EPN2: variants seen among roughly 807,000 people sequenced by gnomAD.
The protein encoded by EPN2 is epsin-2.
A neutral mutation model predicts 61.7 loss-of-function variants in EPN2; 34 were observed. The observed-to-expected ratio is 0.55, with a 90% CI of 0.42 to 0.73. The LOEUF (loss-of-function observed/expected upper bound fraction) is 0.73. Ranked by LOEUF, EPN2 falls within the 30% of genes least tolerant of loss-of-function variation. The probability of loss-of-function intolerance (pLI) is 0.00; values close to 1 mark genes in which losing one functional copy is unlikely to be tolerated. For synonymous variants in EPN2, 349 were observed against 353.6 expected, an observed-to-expected ratio of 0.99 and a Z score of 0.15; for missense variants, 714 against 839.2, an observed-to-expected ratio of 0.85 and a Z score of 1.84.
At chr17:19,290,459 A>G (rs2045451841) in intron 4 of EPN2, among the ~76,000 whole-genome samples, 1 of 152,172 alleles carries the variant, frequency 6.6e-6, no homozygotes, top group African/African-American at 2.4e-5. Flanking sequence ...ATGGAAAGAA[A>G]GATTGCTGCT....
chr17:19,329,067 C>A (rs145690680), intron 8 of EPN2, 180 bp downstream of exon 8: 1 of 564,794 alleles, frequency 1.8e-6, no homozygotes, highest in African/African-American at 1.9e-5. Flanking sequence ...TGAGTGAGTG[C>A]GAGTTCCCAG....
chr17:19,321,288 G>A (rs1204074363), intron 7 of EPN2, among the ~76,000 whole-genome samples: 1 of 152,158 alleles, frequency 6.6e-6, no homozygotes, highest in African/African-American at 2.4e-5. Flanking sequence ...CACCTCAGAA[G>A]CTCAACCCTT....
At chr17:19,294,705 C>T (rs1049446706) in intron 4 of EPN2, among the ~76,000 whole-genome samples, 1 of 152,160 alleles carries the variant, frequency 6.6e-6, no homozygotes, top group African/African-American at 2.4e-5. Flanking sequence ...ATCACTAGCT[C>T]TCAAGCTTTT....
At chr17:19,290,176 C>T (rs1000111881) in intron 4 of EPN2, among the ~76,000 whole-genome samples, 2 of 152,124 alleles carry the variant, frequency 1.3e-5, no homozygotes, top group African/African-American at 2.4e-5. Context: ...GCAGAAGCTG[C>T]GCAGCCCAAA....
At chr17:19,288,886 T>G (rs1485760077) in intron 4 of EPN2, among the ~76,000 whole-genome samples, 1 of 152,060 alleles carries the variant, frequency 6.6e-6, no homozygotes, top group Non-Finnish European at 1.5e-5. Context: ...TGTCAGAAAT[T>G]TCTTTGACTT....
chr17:19,310,939 G>C (rs531052424), intron 5 of EPN2, among the ~76,000 whole-genome samples: 3 of 152,262 alleles, frequency 2.0e-5, no homozygotes, highest in South Asian at 4.2e-4. Flanking sequence ...GGAGCAATTA[G>C]AGTGGCCTTA....
intron 10 of EPN2, among the ~76,000 whole-genome samples, chr17:19,332,819 C>G (rs1390612640): frequency 3.3e-5 from 5 of 152,236 alleles, no homozygotes; most frequent in African/African-American, 1.2e-4. Context: ...ACCCAGCCCC[C>G]TTCCTCACGG....
At chr17:19,279,840 C>CTTTTTT (rs749421925) in intron 1 of EPN2, 1 of 126,304 alleles carries the variant, frequency 7.9e-6, no homozygotes, top group Non-Finnish European at 1.7e-5. Flanking sequence ...CTTTTCTTTT[C>CTTTTTT]TTTTTTTTTT....
chr17:19,260,222 G>A (rs555709184), intron 1 of EPN2, among the ~76,000 whole-genome samples: 26 of 152,328 alleles, frequency 1.7e-4, no homozygotes, highest in African/African-American at 6.0e-4. Flanking sequence ...ACCTTATGAT[G>A]GGAGGGACAC....
intron 4 of EPN2, among the ~76,000 whole-genome samples, chr17:19,305,511 T>C (rs1034362590): frequency 2.0e-5 from 3 of 152,236 alleles, no homozygotes. Context: ...ATCAGCACTA[T>C]GTGACTGGCA....
intron 1 of EPN2, among the ~76,000 whole-genome samples, chr17:19,270,746 T>G (rs1728608757): frequency 6.6e-6 from 1 of 152,164 alleles, no homozygotes; most frequent in Non-Finnish European, 1.5e-5. Flanking sequence ...GAACTACATA[T>G]TTCAGCCCTA....
At chr17:19,280,561 G>C (rs2152216287) in intron 1 of EPN2, among the ~76,000 whole-genome samples, 1 of 152,316 alleles carries the variant, frequency 6.6e-6, no homozygotes, top group East Asian at 1.9e-4. Flanking sequence ...CATATTTGAG[G>C]ATGGAGAGAA....
chr17:19,335,358 A>C lies in EPN2; in HGVS notation c.*1104A>C. 6.5e-7 allele frequency: 1 copy of C among 1,538,952 alleles called. No homozygotes were observed. Among genetic ancestry groups the C allele is most frequent in the South Asian group, 1.2e-5 (1 of 83,364 alleles). Reference sequence around the variant, plus strand: ...TTAAAGAAAAAAATCTAATGTATGAATGTGACTCACCAATTTTTATCAACT... The same window carrying C: ...TTAAAGAAAAAAATCTAATGTATGACTGTGACTCACCAATTTTTATCAACT... On this transcript the variant is annotated 3_prime_UTR_variant, in exon 11 of 11. Coordinates refer to ENST00000314728, the MANE Select transcript of EPN2 (RefSeq NM_014964.5).
intron 4 of EPN2, chr17:19,305,934 C>T (rs1230872947): frequency 1.3e-5 from 2 of 152,208 alleles, no homozygotes; most frequent in Non-Finnish European, 2.9e-5. Context: ...AGAAATAAGG[C>T]CTACCTGTGG....
chr17:19,292,057 G>T (rs145903736), intron 4 of EPN2, among the ~76,000 whole-genome samples: 2 of 152,272 alleles, frequency 1.3e-5, no homozygotes, highest in East Asian at 3.9e-4. Context: ...GTCTACTTTT[G>T]AAAACTCAAA....
intron 1 of EPN2, among the ~76,000 whole-genome samples, chr17:19,243,494 G>A (rs1177786243): frequency 4.0e-4 from 57 of 141,694 alleles, no homozygotes; most frequent in African/African-American, 1.5e-3. Context: ...CCGGGTTCAC[G>A]CCATTCTCCT....
chr17:19,317,583 T>G (rs908906819), intron 7 of EPN2, among the ~76,000 whole-genome samples: 3 of 151,984 alleles, frequency 2.0e-5, no homozygotes, highest in South Asian at 4.1e-4. Flanking sequence ...GGCTGGCGGG[T>G]GGGAGGCGAC....
chr17:19,267,360 G>A (rs758449317), intron 1 of EPN2, among the ~76,000 whole-genome samples: 4 of 151,916 alleles, frequency 2.6e-5, no homozygotes, highest in Non-Finnish European at 5.9e-5. Context: ...CCGTTGAATC[G>A]TATACTTTAA....
chr17:19,283,262 A>G lies in EPN2; in HGVS notation c.143A>G (p.Tyr48Cys), dbSNP rs779952793. ...ATGACCGAGATTGCCGACCTGACCT[A>G]CAACGTGGTGGCCTTCTCGGAGATC... ...SLMTEIADLT[Y>C]NVVAFSEIMS... Residue 48 changes from tyrosine to cysteine, a missense_variant, in exon 3 of 11, where the codon TAC becomes TGC. Physicochemically the swap from Tyr to Cys is radical, Grantham distance 194. This residue lies in a region of EPN2 where 304 missense variants were observed against 417.4 expected (regional missense o/e 0.73). Transcript: ENST00000314728. The surrounding 1 kb of genome is among the most constrained non-coding windows in gnomAD (Gnocchi z 7.0). The G allele has an allele frequency of 1.9e-6, 3 of 1,613,998 alleles. No individual in the cohort carries two copies. Among genetic ancestry groups the G allele is most frequent in the African/African-American group, 2.7e-5 (2 of 74,898 alleles).
Sources: allele counts gnomAD v4.1 joint callset (sites outside exome capture counted in the v4.1 genomes callset), GRCh38; gene constraint gnomAD v4.1.1; regional missense constraint gnomAD v4.1.1; non-coding constraint Gnocchi (gnomAD v3.1); transcripts MANE v1.5; gene names NCBI Gene and HGNC (gene_info 2026-07-23, HGNC 2026-07-21).